KCNAB1: variants seen among roughly 807,000 people sequenced by gnomAD.
The protein encoded by KCNAB1 is voltage-gated potassium channel subunit beta-1.
In KCNAB1, 35 loss-of-function variants were observed where a neutral mutation model predicts 64.6. The ratio of observed to expected loss-of-function variants is 0.54; its 90% CI spans 0.41 to 0.72. The LOEUF (loss-of-function observed/expected upper bound fraction) is 0.72. Ranked by LOEUF, KCNAB1 falls within the 30% of genes least tolerant of loss-of-function variation. The pLI is 0.00. For synonymous variants in KCNAB1, 177 were observed against 183.8 expected, an observed-to-expected ratio of 0.96 and a Z score of 0.30; for missense variants, 401 against 512.9, an observed-to-expected ratio of 0.78 and a Z score of 2.11.
intron 1 of KCNAB1, among the ~76,000 whole-genome samples, chr3:156,274,518 T>C (rs1719224180): frequency 6.6e-6 from 1 of 152,168 alleles, no homozygotes; most frequent in South Asian, 2.1e-4. Context: ...CTTTTTTTTT[T>C]CTTTTAACTA....
chr3:156,534,221 C>G (rs1225418228), intron 13 of KCNAB1, among the ~76,000 whole-genome samples: 1 of 152,136 alleles, frequency 6.6e-6, no homozygotes, highest in East Asian at 1.9e-4. Flanking sequence ...ATGGAAAATA[C>G]GGAGCACCAG....
At chr3:156,129,151 G>T (rs1439847110) in intron 1 of KCNAB1, among the ~76,000 whole-genome samples, 3 of 152,176 alleles carry the variant, frequency 2.0e-5, no homozygotes, top group African/African-American at 7.2e-5. Flanking sequence ...TTTGTCAGTC[G>T]TTGATTTTTT....
Position 156,147,959 on chromosome 3 carries a change from ACG to A in KCNAB1, c.275+27075_275+27076del, listed in dbSNP as rs1491250230. Among the ~76,000 whole-genome samples the A allele has an allele frequency of 2.1e-4, 21 of 101,210 alleles. No individual in the cohort carries two copies. The South Asian group carries it at 7.2e-3, about 35-fold the overall frequency. The allele number at this position is 101,210 out of a possible 152,430, so 66.4% of individuals were successfully genotyped here. Reference sequence around the variant, plus strand: ...TGCCAAGACACACACACACACACACACGCACGCACACGCACACACAAACACAC... The same window carrying A: ...TGCCAAGACACACACACACACACACACACGCACACGCACACACAAACACAC... On this transcript the variant is annotated intron_variant, in intron 1 of 13. Transcript: ENST00000490337.
At chr3:156,291,279 G>A in intron 1 of KCNAB1, 1 of 989,238 alleles carries the variant, frequency 1.0e-6, no homozygotes, top group Non-Finnish European at 1.2e-6. Context: ...GAGGGGTCTT[G>A]AGGAGCCCCC....
At chr3:156,498,477 A>G (rs1716156427) in intron 8 of KCNAB1, among the ~76,000 whole-genome samples, 2 of 152,192 alleles carry the variant, frequency 1.3e-5, no homozygotes, top group African/African-American at 4.8e-5. Flanking sequence ...GTTTCCCTGC[A>G]CAACCTCTCT....
chr3:156,524,972 T>C (rs2679598), intron 12 of KCNAB1, among the ~76,000 whole-genome samples: 1 of 152,106 alleles, frequency 6.6e-6, no homozygotes, highest in African/African-American at 2.4e-5. Flanking sequence ...TGTGTGTTTG[T>C]GGTGATGCTG....
intron 1 of KCNAB1, among the ~76,000 whole-genome samples, chr3:156,280,135 G>A (rs1402492526): frequency 1.4e-5 from 2 of 146,860 alleles, no homozygotes; most frequent in Non-Finnish European, 3.0e-5. Flanking sequence ...ATCTTGAATT[G>A]ATTTTTGTAT....
chr3:156,304,434 GTATAT>G (rs1433140827), intron 1 of KCNAB1, among the ~76,000 whole-genome samples: 2 of 152,088 alleles, frequency 1.3e-5, no homozygotes, highest in African/African-American at 2.4e-5. Context: ...GAACTTAATG[GTATAT>G]TATGTAGTCT....
chr3:156,300,630 GTT>G (rs200078955), intron 1 of KCNAB1, among the ~76,000 whole-genome samples: 2,140 of 152,100 alleles, frequency 0.014, 20 homozygotes, highest in South Asian at 0.032. Context: ...GAAAAAAAAT[GTT>G]TTTCATATTT....
At chr3:156,487,079 C>T (rs1202580280) in intron 8 of KCNAB1, among the ~76,000 whole-genome samples, 1 of 152,144 alleles carries the variant, frequency 6.6e-6, no homozygotes, top group African/African-American at 2.4e-5. Context: ...ACTTAAATTA[C>T]ATGCACATGC....
intron 1 of KCNAB1, among the ~76,000 whole-genome samples, chr3:156,191,478 A>T (rs1417780795): frequency 1.3e-5 from 2 of 152,164 alleles, no homozygotes; most frequent in Non-Finnish European, 2.9e-5. Context: ...TGTTCTTCAA[A>T]CTGGCTATTC....
intron 2 of KCNAB1, among the ~76,000 whole-genome samples, chr3:156,449,684 T>C (rs1269247582): frequency 6.6e-6 from 1 of 152,226 alleles, no homozygotes; most frequent in African/African-American, 2.4e-5. Flanking sequence ...TTCAATGGCA[T>C]AGTTTTAGAG....
intron 1 of KCNAB1, among the ~76,000 whole-genome samples, chr3:156,307,992 AT>A (rs528841118): frequency 4.9e-4 from 75 of 152,330 alleles, no homozygotes; most frequent in Non-Finnish European, 9.8e-4. Flanking sequence ...TGAAAAGCTT[AT>A]ATTGTAGAAG....
intron 11 of KCNAB1, among the ~76,000 whole-genome samples, chr3:156,517,014 C>T (rs566425017): frequency 6.6e-6 from 1 of 152,330 alleles, no homozygotes; most frequent in South Asian, 2.1e-4. Context: ...ACTCAAAAAT[C>T]TCTCCTTATT....
rs377038808 is a variant in KCNAB1, at chr3:156,399,999, T to C, written c.276-21617T>C. On this transcript the variant is annotated intron_variant, in intron 1 of 13. Transcript: ENST00000490337. ...ATACCACACCCTCACACGCCTTCCA[T>C]ATAAGGGGGTCCTCTTTATGGTGGC... 1.8e-4 allele frequency among the ~76,000 whole-genome samples: 28 copies of C among 152,252 alleles called. No homozygotes were observed. The South Asian group carries it at 5.4e-3, about 29-fold the overall frequency.
intron 1 of KCNAB1, among the ~76,000 whole-genome samples, chr3:156,290,394 A>G (rs1011712062): frequency 1.3e-5 from 2 of 152,196 alleles, no homozygotes; most frequent in Non-Finnish European, 2.9e-5. Context: ...CTACATTTAG[A>G]AAGCTGATTT....
chr3:156,172,355 C>T (rs1001121519), intron 1 of KCNAB1, among the ~76,000 whole-genome samples: 6 of 151,444 alleles, frequency 4.0e-5, no homozygotes, highest in Non-Finnish European at 8.8e-5. Flanking sequence ...TCTGAGCTCA[C>T]TGCAACCTCT....
intron 7 of KCNAB1, 107 bp from the exon 8 acceptor site, chr3:156,474,627 A>C: frequency 1.3e-6 from 1 of 750,650 alleles, no homozygotes; most frequent in Non-Finnish European, 2.3e-6. Context: ...TTTTGAAACT[A>C]TTCCAATTCT....
At chr3:156,182,669 A>G (rs1446266808) in intron 1 of KCNAB1, among the ~76,000 whole-genome samples, 1 of 149,550 alleles carries the variant, frequency 6.7e-6, no homozygotes, top group East Asian at 1.9e-4. Context: ...AAATGTCCCA[A>G]CAAGGTATCT....
Sources: gnomAD v4.1 joint callset for allele counts (sites outside exome capture counted in the v4.1 genomes callset) on GRCh38, gnomAD v4.1.1 for gene constraint, MANE v1.5 for transcripts, NCBI Gene and HGNC (gene_info 2026-07-23, HGNC 2026-07-21) for gene names.